MTCL2: variants seen among roughly 807,000 people sequenced by gnomAD.
The protein encoded by MTCL2 is microtubule cross-linking factor 2.
the MTCL2 span, among the ~76,000 whole-genome samples, chr20:36,796,185 C>T: frequency 5.3e-5 from 8 of 152,254 alleles, no homozygotes; most frequent in Non-Finnish European, 1.2e-4. Context: ...AATCACTGAA[C>T]ACACCAGGCA....
chr20:36,794,767 T>TTA, the MTCL2 span: 1 of 854,504 alleles, frequency 1.2e-6, no homozygotes, highest in Non-Finnish European at 1.8e-6. The surrounding 1 kb of genome is among the most constrained non-coding windows in gnomAD (Gnocchi z 5.4). Flanking sequence ...TGTCTGCATT[T>TTA]TCTTTTTTTT....
the MTCL2 span, among the ~76,000 whole-genome samples, chr20:36,819,331 G>T: frequency 6.6e-6 from 1 of 152,130 alleles, no homozygotes; most frequent in Non-Finnish European, 1.5e-5. Flanking sequence ...GGCCCCAGGT[G>T]ATTTGGATAC....
At chr20:36,825,570 C>A in the MTCL2 span, among the ~76,000 whole-genome samples, 1 of 152,242 alleles carries the variant, frequency 6.6e-6, no homozygotes, top group Middle Eastern at 3.2e-3. Context: ...GGGTCTGCCA[C>A]CTCCCTTCTC....
chr20:36,860,569 C>A, the MTCL2 span, among the ~76,000 whole-genome samples: 11 of 152,136 alleles, frequency 7.2e-5, no homozygotes, highest in African/African-American at 2.7e-4. Context: ...CTCACAGAAT[C>A]CACAAGAGAA....
At chr20:36,784,850 A>C in the MTCL2 span, 1 of 985,484 alleles carries the variant, frequency 1.0e-6, no homozygotes, top group Non-Finnish European at 1.2e-6. Flanking sequence ...GCTGGGAGAC[A>C]CTCAGGTTTA....
the MTCL2 span, among the ~76,000 whole-genome samples, chr20:36,847,280 TC>T: frequency 6.6e-6 from 1 of 152,224 alleles, no homozygotes; most frequent in Non-Finnish European, 1.5e-5. Flanking sequence ...GTTCAGCTAT[TC>T]CCTCTGCTAG....
chr20:36,835,274 C>T, the MTCL2 span, among the ~76,000 whole-genome samples: 6 of 152,084 alleles, frequency 3.9e-5, no homozygotes, highest in Admixed American at 2.0e-4. Context: ...GTCCTGTCAA[C>T]GGTGAGGACC....
the MTCL2 span, chr20:36,805,016 A>C: frequency 4.2e-6 from 5 of 1,181,540 alleles, no homozygotes; most frequent in East Asian, 1.2e-4. Flanking sequence ...GCCTCAGGCA[A>C]GTCCCACAAC....
At chr20:36,827,352 C>A in the MTCL2 span, among the ~76,000 whole-genome samples, 6 of 143,086 alleles carry the variant, frequency 4.2e-5, no homozygotes, top group Non-Finnish European at 7.5e-5. Context: ...TGTGCCTGGA[C>A]CCCCCTTTTT....
At chr20:36,819,847 G>A in the MTCL2 span, among the ~76,000 whole-genome samples, 18 of 152,160 alleles carry the variant, frequency 1.2e-4, no homozygotes, top group African/African-American at 4.3e-4. Context: ...GACGCTGGGT[G>A]CCAAGAGCCA....
At chr20:36,792,557 T>C in the MTCL2 span, among the ~76,000 whole-genome samples, 1 of 150,430 alleles carries the variant, frequency 6.6e-6, no homozygotes, top group African/African-American at 2.4e-5. Context: ...ATGCTGACAA[T>C]TGGCTCCTGC....
the MTCL2 span, among the ~76,000 whole-genome samples, chr20:36,851,687 G>A: frequency 6.6e-6 from 1 of 152,082 alleles, no homozygotes; most frequent in Non-Finnish European, 1.5e-5. Flanking sequence ...TTCTTTCTTG[G>A]CATATATCAT....
chr20:36,856,770 T>G, the MTCL2 span, among the ~76,000 whole-genome samples: 1 of 152,268 alleles, frequency 6.6e-6, no homozygotes, highest in East Asian at 1.9e-4. Flanking sequence ...AGTAGTAGTT[T>G]GTACACATTA....
At chr20:36,802,948 T>G in the MTCL2 span, 1 of 1,579,246 alleles carries the variant, frequency 6.3e-7, no homozygotes, top group African/African-American at 1.3e-5. Context: ...TTTTCCTGGC[T>G]CCAGTTGCGC....
chr20:36,806,309 G>T, the MTCL2 span, among the ~76,000 whole-genome samples: 5 of 152,186 alleles, frequency 3.3e-5, no homozygotes, highest in Admixed American at 6.5e-5. Context: ...CAGCCAAGGA[G>T]ATCAGGGACC....
the MTCL2 span, among the ~76,000 whole-genome samples, chr20:36,844,025 C>T: frequency 6.6e-6 from 1 of 152,088 alleles, no homozygotes; most frequent in African/African-American, 2.4e-5. Flanking sequence ...ATCACGATGT[C>T]AGGAGTTTGA....
the MTCL2 span, among the ~76,000 whole-genome samples, chr20:36,834,763 A>C: frequency 6.6e-6 from 1 of 152,150 alleles, no homozygotes; most frequent in Non-Finnish European, 1.5e-5. Context: ...GCACTTTGGG[A>C]GGCCGACGTG....
chr20:36,822,827 G>A, the MTCL2 span, among the ~76,000 whole-genome samples: 15 of 150,984 alleles, frequency 9.9e-5, 1 homozygote, highest in South Asian at 3.1e-3. Context: ...GCATGATCTC[G>A]GCTCACTGCA....
At chr20:36,790,738 C>CT in the MTCL2 span, among the ~76,000 whole-genome samples, 1,070 of 135,884 alleles carry the variant, frequency 7.9e-3, 16 homozygotes, top group African/African-American at 0.023. Context: ...TGCCTGGCCT[C>CT]TTTTTTTTTT....
Sources: allele counts gnomAD v4.1 joint callset (sites outside exome capture counted in the v4.1 genomes callset), GRCh38; gene constraint gnomAD v4.1.1; non-coding constraint Gnocchi (gnomAD v3.1); transcripts MANE v1.5; gene names NCBI Gene and HGNC (gene_info 2026-07-23, HGNC 2026-07-21).